LIPJ: variants seen among roughly 807,000 people sequenced by gnomAD.
LIPJ encodes the protein lipase family member J, also known as lipase member J.
A neutral mutation model predicts 39.8 loss-of-function variants in LIPJ; 33 were observed. That is an observed-to-expected ratio of 0.83 (90% CI 0.63 to 1.11). The LOEUF is 1.11. Ranked by LOEUF, LIPJ falls within the 50% of genes least tolerant of loss-of-function variation. The probability of loss-of-function intolerance (pLI) is 0.00; values close to 1 mark genes in which losing one functional copy is unlikely to be tolerated. For synonymous variants in LIPJ, 128 were observed against 139.2 expected (o/e 0.92, Z 0.57); for missense variants, 422 against 427.9 (o/e 0.99, Z 0.12).
At chr10:88,602,550 C>CTTTTT in intron 8 of LIPJ, 26 bp from the exon 9 acceptor site, 1 of 1,041,662 alleles carries the variant, frequency 9.6e-7, no homozygotes, top group Non-Finnish European at 1.3e-6. Context: ...TATAAAAATG[C>CTTTTT]TTTTTTTTTT....
intron 8 of LIPJ, among the ~76,000 whole-genome samples, chr10:88,600,318 G>A (rs942398810): frequency 6.6e-6 from 1 of 151,858 alleles, no homozygotes; most frequent in African/African-American, 2.4e-5. Context: ...ATTTTTCTTT[G>A]TGCTTAAGTT....
intron 9 of LIPJ, among the ~76,000 whole-genome samples, chr10:88,603,082 ACT>A (rs1851549995): frequency 2.0e-5 from 3 of 152,080 alleles, no homozygotes; most frequent in Admixed American, 6.6e-5. Context: ...ACAGAGTAAG[ACT>A]CTGTCTCAAT....
chr10:88,596,565 C>A (rs935032039), intron 7 of LIPJ, 149 bp downstream of exon 7: 1 of 932,036 alleles, frequency 1.1e-6, no homozygotes, highest in Non-Finnish European at 1.5e-6. Context: ...TTTGTTTCTG[C>A]AAAGGAATAC....
the LIPJ span, among the ~76,000 whole-genome samples, chr10:88,622,136 C>T: frequency 6.6e-6 from 1 of 152,184 alleles, no homozygotes; most frequent in African/African-American, 2.4e-5. Context: ...TAATGTCTGA[C>T]AGTTTATTAT....
At position 88,590,710 on chromosome 10, in the gene LIPJ, A is replaced by C. The variant is rs776766551; in HGVS notation, c.9+14A>C. On this transcript the variant is annotated intron_variant, in intron 3 of 10. Transcript: ENST00000371939. ...GATATGAATATTGTAAGTTGTTAGA[A>C]AATAAATCTGGACTGCTGAAATAAC... 6.3e-7 allele frequency: 1 copy of C among 1,588,364 alleles called. No individual in the cohort carries two copies. Among genetic ancestry groups the C allele is most frequent in the Admixed American group, 1.7e-5 (1 of 59,160 alleles).
chr10:88,587,948 A>C (rs535112239), intron 2 of LIPJ, among the ~76,000 whole-genome samples: 56 of 152,198 alleles, frequency 3.7e-4, no homozygotes, highest in African/African-American at 1.3e-3. Context: ...TGTATTAGAA[A>C]AATTATTGAT....
At chr10:88,583,328 T>TCCGG, upstream of LIPJ, 4 of 1,414,790 alleles carry the variant, frequency 2.8e-6, no homozygotes, top group Non-Finnish European at 3.7e-6. Context: ...TGAGCTTTCC[T>TCCGG]CCGGCCGGCC....
At chr10:88,587,064 T>C (rs963130003) in intron 1 of LIPJ, 1 of 152,098 alleles carries the variant, frequency 6.6e-6, no homozygotes, top group Non-Finnish European at 1.5e-5. Flanking sequence ...TTTAAGGAAG[T>C]TTCATATCTT....
At chr10:88,620,146 A>C in the LIPJ span, among the ~76,000 whole-genome samples, 3 of 152,122 alleles carry the variant, frequency 2.0e-5, no homozygotes, top group Admixed American at 6.5e-5. Context: ...AAATAACTGA[A>C]GTGTTATTTA....
At chr10:88,602,502 T>A (rs1472084291) in intron 8 of LIPJ, 74 bp from the exon 9 acceptor site, 4 of 962,838 alleles carry the variant, frequency 4.2e-6, no homozygotes, top group African/African-American at 1.7e-5. Context: ...TTTAGTTCAA[T>A]AAATATTAAA....
At chr10:88,610,297 G>T (rs1008759592), downstream of LIPJ, among the ~76,000 whole-genome samples, 3 of 152,044 alleles carry the variant, frequency 2.0e-5, no homozygotes, top group East Asian at 3.8e-4. Flanking sequence ...TATAATTTTG[G>T]CATGCCACAG....
At chr10:88,588,624 T>C (rs1375641348) in intron 2 of LIPJ, among the ~76,000 whole-genome samples, 8 of 151,918 alleles carry the variant, frequency 5.3e-5, no homozygotes, top group African/African-American at 1.7e-4. Context: ...TATGGGATAT[T>C]TGACAAGTAT....
At chr10:88,621,718 G>A in the LIPJ span, among the ~76,000 whole-genome samples, 2 of 152,122 alleles carry the variant, frequency 1.3e-5, no homozygotes, top group East Asian at 1.9e-4. Flanking sequence ...AGAACAGGGT[G>A]TTGCTGTTTT....
At chr10:88,588,312 A>G (rs999470324) in intron 2 of LIPJ, among the ~76,000 whole-genome samples, 2 of 151,868 alleles carry the variant, frequency 1.3e-5, no homozygotes, top group Non-Finnish European at 3.0e-5. Context: ...GCTCATGTCA[A>G]CTTAAAATTA....
chr10:88,583,922 C>T (rs565863629), upstream of LIPJ: 8 of 173,364 alleles, frequency 4.6e-5, no homozygotes, highest in Admixed American at 6.5e-5. Flanking sequence ...AGATGAACAA[C>T]AAGAGAAGGA....
chr10:88,601,573 T>C (rs970489002), intron 8 of LIPJ, among the ~76,000 whole-genome samples: 1 of 152,180 alleles, frequency 6.6e-6, no homozygotes, highest in Non-Finnish European at 1.5e-5. Flanking sequence ...CCCTGCACCA[T>C]ATTGGAAAAT....
chr10:88,610,717 G>A (rs1366717272), downstream of LIPJ, among the ~76,000 whole-genome samples: 1 of 152,118 alleles, frequency 6.6e-6, no homozygotes, highest in African/African-American at 2.4e-5. Context: ...TACAGAGTTT[G>A]GAACTAGACC....
rs114658660 is a variant in LIPJ, at chr10:88,605,704, G to T, written c.867G>T (p.Gln289His). 2.8e-5 allele frequency: 45 copies of T among 1,596,900 alleles called. No homozygotes were observed. The African/African-American group carries it at 3.7e-4, about 13-fold the overall frequency. Reference sequence around the variant, plus strand: ...ATCTGAACTTGGTTCATTATAATCAGGTACATAATTCTCTATAAAAACTCT... The same window carrying T: ...ATCTGAACTTGGTTCATTATAATCATGTACATAATTCTCTATAAAAACTCT... Residue 289 changes from glutamine (Q) to histidine (H), a missense_variant and splice_region_variant, in exon 10 of 11, where the codon CAG becomes CAT. Coordinates refer to ENST00000371939, the Ensembl canonical transcript of LIPJ.
the LIPJ span, among the ~76,000 whole-genome samples, chr10:88,614,856 G>A: frequency 3.8e-3 from 571 of 152,176 alleles, 4 homozygotes; most frequent in Non-Finnish European, 5.8e-3. Flanking sequence ...ATATGCTAAC[G>A]AAATAAACTA....
Sources: gnomAD v4.1 joint callset for allele counts (sites outside exome capture counted in the v4.1 genomes callset) on GRCh38, gnomAD v4.1.1 for gene constraint, MANE v1.5 for transcripts, NCBI Gene and HGNC (gene_info 2026-07-23, HGNC 2026-07-21) for gene names.